NELL1: variants seen among roughly 807,000 people sequenced by gnomAD.
NELL1 encodes the protein protein kinase C-binding protein NELL1.
In NELL1, 76 loss-of-function variants were observed where a neutral mutation model predicts 107.4. The observed-to-expected ratio is 0.71, with a 90% confidence interval of 0.59 to 0.86. NELL1 has a LOEUF of 0.86. NELL1 is among the 40% of genes least tolerant of loss of function. The pLI is 0.00. For missense variants in NELL1, 1,024 were observed against 1,005.5 expected (o/e 1.02, Z -0.25); for synonymous variants, 353 against 341.2 (o/e 1.03, Z -0.38).
chr11:21,402,687 A>C (rs1050686209), intron 15 of NELL1, among the ~76,000 whole-genome samples: 1 of 151,368 alleles, frequency 6.6e-6, no homozygotes, highest in African/African-American at 2.4e-5. Flanking sequence ...GTTCAAGAAC[A>C]AGTCCTTGGT....
chr11:21,031,778 G>A (rs1404259568), intron 12 of NELL1, among the ~76,000 whole-genome samples: 2 of 152,018 alleles, frequency 1.3e-5, no homozygotes, highest in East Asian at 1.9e-4. Context: ...GCCGGGCATG[G>A]TGGCTCACGC....
chr11:20,843,600 AT>A (rs1848655816), intron 3 of NELL1, among the ~76,000 whole-genome samples: 1 of 87,650 alleles, frequency 1.1e-5, no homozygotes, highest in African/African-American at 3.0e-5. Flanking sequence ...TTATATAAAT[AT>A]AAAATTTTAT....
At chr11:21,141,727 C>T (rs1407851333) in intron 13 of NELL1, among the ~76,000 whole-genome samples, 1 of 151,256 alleles carries the variant, frequency 6.6e-6, no homozygotes, top group Non-Finnish European at 1.5e-5. Context: ...ATACCCTCCT[C>T]CTCTATCCTT....
chr11:21,118,113 C>T (rs1231331188), intron 13 of NELL1, among the ~76,000 whole-genome samples: 1 of 151,924 alleles, frequency 6.6e-6, no homozygotes, highest in Non-Finnish European at 1.5e-5. Flanking sequence ...AAATTAATTA[C>T]AATATTAGGC....
At chr11:21,179,019 T>C (rs1165689341) in intron 13 of NELL1, among the ~76,000 whole-genome samples, 1 of 151,740 alleles carries the variant, frequency 6.6e-6, no homozygotes, top group Non-Finnish European at 1.5e-5. Flanking sequence ...TTACTGGCAC[T>C]TAAAAAACTT....
intron 2 of NELL1, among the ~76,000 whole-genome samples, chr11:20,715,122 G>A (rs1378272791): frequency 3.9e-5 from 6 of 152,156 alleles, no homozygotes; most frequent in East Asian, 1.9e-4. Flanking sequence ...GCGGGCGCCT[G>A]TAGTCCCAGC....
chr11:21,271,628 G>A (rs1848741232), intron 14 of NELL1, among the ~76,000 whole-genome samples: 1 of 152,070 alleles, frequency 6.6e-6, no homozygotes, highest in African/African-American at 2.4e-5. Context: ...TCTTTGTGAG[G>A]CCAACATTAC....
intron 2 of NELL1, among the ~76,000 whole-genome samples, chr11:20,730,453 C>A (rs1855613286): frequency 6.6e-6 from 1 of 152,150 alleles, no homozygotes; most frequent in Non-Finnish European, 1.5e-5. Flanking sequence ...GTATTTCATT[C>A]TCATAGCAGT....
chr11:20,987,872 A>C (rs1196964060), intron 12 of NELL1, among the ~76,000 whole-genome samples: 1 of 152,238 alleles, frequency 6.6e-6, no homozygotes, highest in East Asian at 1.9e-4. Context: ...TAATATTATA[A>C]TGAAATTCTT....
At chr11:21,141,168 A>G (rs529747194) in intron 13 of NELL1, among the ~76,000 whole-genome samples, 2 of 152,358 alleles carry the variant, frequency 1.3e-5, no homozygotes, top group East Asian at 1.9e-4. Flanking sequence ...GCAGAAAGAA[A>G]TCTTGCTTGA....
At chr11:21,148,106 A>G (rs1419361353) in intron 13 of NELL1, among the ~76,000 whole-genome samples, 5 of 152,146 alleles carry the variant, frequency 3.3e-5, no homozygotes, top group African/African-American at 7.2e-5. Flanking sequence ...AGAGGAATAC[A>G]GAAAGAGCTT....
rs1185740552 is a variant in NELL1 at position 20,699,014 on chromosome 11, T to G, written c.184+20954T>G. 4.6e-5 allele frequency among the ~76,000 whole-genome samples: 7 copies of G among 152,110 alleles called. No homozygotes were observed. In the East Asian group the frequency reaches 1.4e-3, roughly 30 times the overall value. On this transcript the variant is annotated intron_variant, in intron 2 of 19. Transcript: ENST00000357134. ...GGCAGATCACCTGAGGTCAGGAGTT[T>G]GAGACCAGCCTGGCCAACATGGTGA... is the stretch of plus-strand genomic sequence containing the variant.
intron 14 of NELL1, among the ~76,000 whole-genome samples, chr11:21,353,195 A>C (rs898156074): frequency 1.3e-5 from 2 of 152,188 alleles, no homozygotes; most frequent in African/African-American, 4.8e-5. Flanking sequence ...AGATGGGTAA[A>C]AAAAGCAAAT....
At chr11:21,508,841 C>T (rs1376932951) in intron 15 of NELL1, among the ~76,000 whole-genome samples, 2 of 151,822 alleles carry the variant, frequency 1.3e-5, no homozygotes, top group African/African-American at 2.4e-5. Flanking sequence ...ACACCTATAT[C>T]AAGCATCATA....
chr11:20,691,799 A>C (rs11511870), intron 2 of NELL1, among the ~76,000 whole-genome samples: 22,821 of 151,798 alleles, frequency 0.15, 1,844 homozygotes, highest in African/African-American at 0.21. Context: ...CTGGCCTCAT[A>C]AAACGAGTTA....
intron 15 of NELL1, among the ~76,000 whole-genome samples, chr11:21,516,256 A>G (rs1262931901): frequency 6.6e-6 from 1 of 152,146 alleles, no homozygotes; most frequent in African/African-American, 2.4e-5. Context: ...TATGGTGACT[A>G]AAACATAGTA....
intron 12 of NELL1, among the ~76,000 whole-genome samples, chr11:21,016,395 A>T (rs944772104): frequency 4.6e-5 from 7 of 152,082 alleles, no homozygotes; most frequent in Admixed American, 1.3e-4. Context: ...TCATACAGTC[A>T]GTAGCTCCCC....
intron 15 of NELL1, among the ~76,000 whole-genome samples, chr11:21,428,655 A>G (rs1013000570): frequency 2.0e-5 from 3 of 152,180 alleles, no homozygotes; most frequent in South Asian, 2.1e-4. Flanking sequence ...TTGCTTTTCT[A>G]CAGGAACTAT....
intron 12 of NELL1, among the ~76,000 whole-genome samples, chr11:21,003,383 CAATGCAATGGTTACTAA>C (rs1319991573): frequency 3.3e-5 from 5 of 152,140 alleles, no homozygotes; most frequent in African/African-American, 1.2e-4. Context: ...AGTGCATCAA[CAATGCAATGGTTACTAA>C]AATGCCAGTT....
Sources: gnomAD v4.1 joint callset for allele counts (sites outside exome capture counted in the v4.1 genomes callset) on GRCh38, gnomAD v4.1.1 for gene constraint, MANE v1.5 for transcripts, NCBI Gene and HGNC (gene_info 2026-07-23, HGNC 2026-07-21) for gene names.